Variants in RAD54L2 observed in about 807,000 individuals in gnomAD.
RAD54L2 encodes the protein RAD54 like 2, also known as helicase ARIP4.
A neutral mutation model predicts 138.4 loss-of-function variants in RAD54L2; 27 were observed. The observed-to-expected ratio is 0.20, with a 90% CI of 0.14 to 0.27. The LOEUF is 0.27. RAD54L2 is among the 10% of genes least tolerant of loss of function. The pLI is 1.00. For missense variants in RAD54L2, 1,396 were observed against 1,890.2 expected (o/e 0.74, Z 4.85); for synonymous variants, 644 against 723.2 (o/e 0.89, Z 1.76).
chr3:51,641,724 C>T, intron 14 of RAD54L2, 25 bp from the exon 15 acceptor site: 1 of 1,476,168 alleles, frequency 6.8e-7, no homozygotes, highest in Non-Finnish European at 9.3e-7. Flanking sequence ...TGGGAGCCAT[C>T]TGAACGAAAT....
chr3:51,579,124 A>C (rs1699551087), intron 2 of RAD54L2, among the ~76,000 whole-genome samples: 1 of 149,578 alleles, frequency 6.7e-6, no homozygotes, highest in Non-Finnish European at 1.5e-5. Flanking sequence ...TCTCTGATGC[A>C]CACCTGCTTC....
At chr3:51,580,070 G>C (rs544515703) in intron 2 of RAD54L2, among the ~76,000 whole-genome samples, 1 of 152,064 alleles carries the variant, frequency 6.6e-6, no homozygotes, top group East Asian at 1.9e-4. Flanking sequence ...AGATACCACA[G>C]GCTAAGGGCT....
At chr3:51,632,629 C>G (rs954566338) in intron 7 of RAD54L2, among the ~76,000 whole-genome samples, 3 of 146,358 alleles carry the variant, frequency 2.0e-5, no homozygotes, top group Non-Finnish European at 3.0e-5. Flanking sequence ...CACGATGGCT[C>G]GTGCCTGTAA....
chr3:51,632,589 C>T (rs1246312912), intron 7 of RAD54L2, among the ~76,000 whole-genome samples: 1 of 150,078 alleles, frequency 6.7e-6, no homozygotes, highest in East Asian at 2.1e-4. Flanking sequence ...GCCACCATGC[C>T]TGGCCTGTTA....
chr3:51,545,795 G>A (rs1411889964), intron 2 of RAD54L2, among the ~76,000 whole-genome samples: 1 of 151,784 alleles, frequency 6.6e-6, no homozygotes, highest in East Asian at 1.9e-4. Context: ...TGCGCAGGCT[G>A]GTCTCAAACT....
At chr3:51,575,918 C>G (rs1699470556) in intron 2 of RAD54L2, among the ~76,000 whole-genome samples, 1 of 152,180 alleles carries the variant, frequency 6.6e-6, no homozygotes, top group Admixed American at 6.6e-5. Flanking sequence ...GCATCCCTGT[C>G]TTGTGCCAGT....
At chr3:51,647,878 C>T (rs779413497) in intron 19 of RAD54L2, among the ~76,000 whole-genome samples, 3 of 152,090 alleles carry the variant, frequency 2.0e-5, no homozygotes, top group Admixed American at 6.6e-5. Flanking sequence ...CCACTGTGAT[C>T]GACACAGAAG....
chr3:51,618,416 A>G (rs1700495981), intron 3 of RAD54L2, among the ~76,000 whole-genome samples: 1 of 151,932 alleles, frequency 6.6e-6, no homozygotes, highest in Admixed American at 6.6e-5. Context: ...TTAAATCTTT[A>G]TTACAAAATT....
In RAD54L2 at chr3:51,595,382, T is replaced by C. The variant is rs79268571; in HGVS notation, c.139+4823T>C. 3.3e-4 allele frequency among the ~76,000 whole-genome samples: 50 copies of C among 152,238 alleles called. No individual in the cohort carries two copies. The East Asian group carries it at 6.0e-3, about 18-fold the overall frequency. On this transcript the variant is annotated intron_variant, in intron 3 of 22. Coordinates refer to ENST00000684192, the MANE Select transcript of RAD54L2 (RefSeq NM_015106.4). ...TTGTTGCACTGGATTTTATAGGACT[T>C]GGTGACTTACTGGATTTGTAGGGCA... is the stretch of plus-strand genomic sequence containing the variant.
intron 3 of RAD54L2, among the ~76,000 whole-genome samples, chr3:51,606,630 G>T (rs1577419376): frequency 2.0e-5 from 3 of 151,902 alleles, no homozygotes; most frequent in African/African-American, 7.2e-5. Context: ...TATTTTCTTT[G>T]AATTTTATAT....
At chr3:51,608,027 G>A (rs1218373934) in intron 3 of RAD54L2, among the ~76,000 whole-genome samples, 2 of 134,998 alleles carry the variant, frequency 1.5e-5, no homozygotes, top group South Asian at 2.5e-4. Flanking sequence ...CTCACTTCCC[G>A]GACAGGGCGG....
intron 2 of RAD54L2, among the ~76,000 whole-genome samples, chr3:51,549,151 G>A (rs1559612720): frequency 6.6e-6 from 1 of 151,908 alleles, no homozygotes; most frequent in African/African-American, 2.4e-5. Context: ...CCACCACCAC[G>A]CCCAGCAAAT....
intron 4 of RAD54L2, 85 bp downstream of exon 4, chr3:51,627,839 T>C: frequency 6.9e-6 from 10 of 1,451,814 alleles, no homozygotes; most frequent in Non-Finnish European, 8.6e-6. Context: ...AAAAGACTGA[T>C]TTGGGAAGGA....
At chr3:51,585,427 C>G (rs902618531) in intron 2 of RAD54L2, among the ~76,000 whole-genome samples, 2 of 152,146 alleles carry the variant, frequency 1.3e-5, no homozygotes, top group Non-Finnish European at 2.9e-5. Context: ...TCAGTGTGAA[C>G]TCTGCAAGCC....
intron 2 of RAD54L2, among the ~76,000 whole-genome samples, chr3:51,558,502 C>A (rs540856454): frequency 6.6e-6 from 1 of 152,006 alleles, no homozygotes; most frequent in African/African-American, 2.4e-5. Flanking sequence ...GTCTTGCTTG[C>A]TGTGTTGCTC....
intron 3 of RAD54L2, among the ~76,000 whole-genome samples, chr3:51,624,634 A>G (rs1332342723): frequency 6.6e-6 from 1 of 152,184 alleles, no homozygotes; most frequent in Non-Finnish European, 1.5e-5. Flanking sequence ...GTTCTCCTCC[A>G]GTCCGTTTTT....
intron 2 of RAD54L2, among the ~76,000 whole-genome samples, chr3:51,553,498 CA>C (rs1244118611): frequency 6.6e-6 from 1 of 152,176 alleles, no homozygotes; most frequent in Non-Finnish European, 1.5e-5. Context: ...TAAAGCCTGT[CA>C]CACACATTTT....
rs1314742494 is a variant in RAD54L2 at position 51,638,333 on chromosome 3, C to A, written c.1860+12C>A. Reference sequence around the variant, plus strand: ...GTGTGTGTTGCAAGGTGCATTGGGGCCTCAGGGAAGATTGAGATGGGGACT... The same window carrying A: ...GTGTGTGTTGCAAGGTGCATTGGGGACTCAGGGAAGATTGAGATGGGGACT... On this transcript the variant is annotated intron_variant, in intron 12 of 22. Transcript: ENST00000684192. The surrounding 1 kb of genome is among the most constrained non-coding windows in gnomAD (Gnocchi z 4.3). The A allele has an allele frequency of 1.9e-6, 3 of 1,612,838 alleles. No individual in the cohort carries two copies. The highest frequency in any genetic ancestry group is 2.5e-6 in the Non-Finnish European group (3 of 1,179,464).
chr3:51,639,595 C>A lies in RAD54L2; in HGVS notation c.2037C>A (p.Thr679=). The A allele has an allele frequency of 6.2e-7, 1 of 1,613,946 alleles. No homozygotes were observed. The highest frequency in any genetic ancestry group is 1.1e-5 in the South Asian group (1 of 91,082). ...TGGCTTCCTCGATGGGAGAGGCAAC[C>A]AATAGCAAGTTCCTACAGGGCGTTG... ...STLASSMGEA[T]NSKFLQGVGF... Residue 679 remains threonine, a synonymous_variant, in exon 13 of 23, where the codon ACC becomes ACA. Coordinates refer to ENST00000684192, the MANE Select transcript of RAD54L2 (RefSeq NM_015106.4).
Sources: allele counts gnomAD v4.1 joint callset (sites outside exome capture counted in the v4.1 genomes callset), GRCh38; gene constraint gnomAD v4.1.1; non-coding constraint Gnocchi (gnomAD v3.1); transcripts MANE v1.5; gene names NCBI Gene and HGNC (gene_info 2026-07-23, HGNC 2026-07-21).